Variants in CSNK2A2IP observed in about 807,000 individuals in gnomAD.
The protein encoded by CSNK2A2IP is casein kinase II subunit alpha'-interacting protein.
chr3:88,363,964 T>A, the CSNK2A2IP span, among the ~76,000 whole-genome samples: 2 of 152,188 alleles, frequency 1.3e-5, no homozygotes, highest in Non-Finnish European at 2.9e-5. Context: ...TCTCTCTGCA[T>A]GATACTTGGG....
chr3:88,396,230 C>T, the CSNK2A2IP span, among the ~76,000 whole-genome samples: 360 of 151,352 alleles, frequency 2.4e-3, 3 homozygotes, highest in African/African-American at 8.3e-3. Flanking sequence ...CTCAGCCTCC[C>T]GAGTAGCTGG....
chr3:88,391,157 T>C, the CSNK2A2IP span, among the ~76,000 whole-genome samples: 1 of 152,226 alleles, frequency 6.6e-6, no homozygotes, highest in African/African-American at 2.4e-5. Context: ...TTCTGTGATG[T>C]GTAGATATGT....
the CSNK2A2IP span, among the ~76,000 whole-genome samples, chr3:88,388,736 C>T: frequency 0.067 from 10,267 of 152,110 alleles, 999 homozygotes; most frequent in African/African-American, 0.21. Flanking sequence ...ACAAACATTT[C>T]CTAGTTAGTC....
the CSNK2A2IP span, among the ~76,000 whole-genome samples, chr3:88,394,000 G>T: frequency 0.44 from 66,327 of 151,958 alleles, 15,816 homozygotes; most frequent in South Asian, 0.61. Context: ...ACATAATTTC[G>T]TGTGGTGTGA....
the CSNK2A2IP span, among the ~76,000 whole-genome samples, chr3:88,372,357 G>A: frequency 1.3e-5 from 2 of 151,266 alleles, no homozygotes; most frequent in Admixed American, 1.3e-4. Context: ...CACAAAGGAC[G>A]AGGGCATTAA....
At chr3:88,418,135 T>C in the CSNK2A2IP span, among the ~76,000 whole-genome samples, 14 of 152,280 alleles carry the variant, frequency 9.2e-5, no homozygotes, top group Non-Finnish European at 2.1e-4. Flanking sequence ...AACTCAATAA[T>C]AAAAGGTATC....
chr3:88,463,775 C>A, the CSNK2A2IP span, among the ~76,000 whole-genome samples: 1 of 152,158 alleles, frequency 6.6e-6, no homozygotes, highest in South Asian at 2.1e-4. Context: ...CTGGAAATAC[C>A]ATTTGACCCA....
At chr3:88,410,733 C>A in the CSNK2A2IP span, among the ~76,000 whole-genome samples, 3 of 151,910 alleles carry the variant, frequency 2.0e-5, no homozygotes, top group African/African-American at 4.8e-5. Flanking sequence ...TGATTACTTC[C>A]TTGCTCTAAT....
chr3:88,356,994 T>G, the CSNK2A2IP span, among the ~76,000 whole-genome samples: 2 of 151,968 alleles, frequency 1.3e-5, no homozygotes, highest in African/African-American at 4.8e-5. Context: ...TTGAGTTTAT[T>G]TATATTTTGG....
the CSNK2A2IP span, among the ~76,000 whole-genome samples, chr3:88,462,200 T>C: frequency 2.0e-5 from 3 of 151,798 alleles, no homozygotes; most frequent in South Asian, 4.2e-4. Flanking sequence ...TGTCTTTTGG[T>C]TATTGGGAGG....
At chr3:88,375,905 T>C in the CSNK2A2IP span, among the ~76,000 whole-genome samples, 1 of 151,654 alleles carries the variant, frequency 6.6e-6, no homozygotes, top group Non-Finnish European at 1.5e-5. Flanking sequence ...ATCAACCCCA[T>C]TTTGTGTCAT....
chr3:88,343,522 A>C, the CSNK2A2IP span, among the ~76,000 whole-genome samples: 16 of 152,110 alleles, frequency 1.1e-4, no homozygotes, highest in African/African-American at 3.4e-4. Flanking sequence ...AAAGTCACTG[A>C]TTTGAGTAAC....
At chr3:88,414,647 C>G in the CSNK2A2IP span, among the ~76,000 whole-genome samples, 190 of 151,910 alleles carry the variant, frequency 1.3e-3, 1 homozygote, top group African/African-American at 4.5e-3. Flanking sequence ...TATGTTTCCT[C>G]ATATTTAGAG....
chr3:88,413,671 A>G, the CSNK2A2IP span, among the ~76,000 whole-genome samples: 2 of 152,082 alleles, frequency 1.3e-5, no homozygotes, highest in Non-Finnish European at 2.9e-5. Context: ...GGTATTGCAG[A>G]GCTGTTAACA....
chr3:88,360,913 T>G, the CSNK2A2IP span, among the ~76,000 whole-genome samples: 6 of 152,184 alleles, frequency 3.9e-5, no homozygotes, highest in African/African-American at 1.4e-4. Flanking sequence ...TTTAAACTGA[T>G]GACAACTTAG....
chr3:88,353,477 C>T, the CSNK2A2IP span, among the ~76,000 whole-genome samples: 1 of 152,158 alleles, frequency 6.6e-6, no homozygotes, highest in Non-Finnish European at 1.5e-5. Flanking sequence ...CCTTTCACGT[C>T]CCTGCCATGG....
chr3:88,407,775 G>C, the CSNK2A2IP span, among the ~76,000 whole-genome samples: 1 of 152,140 alleles, frequency 6.6e-6, no homozygotes, highest in East Asian at 1.9e-4. Context: ...CCAGGGTGGA[G>C]TGCAGTGGCG....
At chr3:88,360,242 T>C in the CSNK2A2IP span, among the ~76,000 whole-genome samples, 1 of 151,834 alleles carries the variant, frequency 6.6e-6, no homozygotes, top group Non-Finnish European at 1.5e-5. Context: ...CACGCCATTC[T>C]CCTGCCTCAG....
the CSNK2A2IP span, among the ~76,000 whole-genome samples, chr3:88,418,848 A>C: frequency 6.6e-6 from 1 of 152,274 alleles, no homozygotes; most frequent in East Asian, 1.9e-4. Context: ...TGGGCCACAC[A>C]GCAGGAGGTG....
Sources: gnomAD v4.1 joint callset for allele counts (sites outside exome capture counted in the v4.1 genomes callset) on GRCh38, gnomAD v4.1.1 for gene constraint, MANE v1.5 for transcripts, NCBI Gene and HGNC (gene_info 2026-07-23, HGNC 2026-07-21) for gene names.